The following CFAP46 variants were observed in gnomAD, a reference collection of about 807,000 sequenced individuals.
The protein encoded by CFAP46 is cilia and flagella associated protein 46.
CFAP46 carries 245 observed loss-of-function variants against 325.7 expected under a neutral mutation model. That is an observed-to-expected ratio of 0.75 (90% CI 0.68 to 0.84). The LOEUF is 0.84. CFAP46 is among the 40% of genes least tolerant of loss of function. The pLI is 0.00. For missense variants in CFAP46, 3,346 were observed against 3,543.0 expected, an observed-to-expected ratio of 0.94 and a Z score of 1.41; for synonymous variants, 1,523 against 1,495.9, an observed-to-expected ratio of 1.02 and a Z score of -0.42.
chr10:132,870,371 G>A (rs923914724), intron 32 of CFAP46, among the ~76,000 whole-genome samples: 1 of 152,092 alleles, frequency 6.6e-6, no homozygotes, highest in South Asian at 2.1e-4. Context: ...CGTCTCTCAC[G>A]TTAAAGAAAA....
rs1850062930 is a variant in CFAP46, at chr10:132,939,350, A to G, written c.372-597T>C. 6.6e-6 allele frequency among the ~76,000 whole-genome samples: 1 copy of G among 152,190 alleles called. No individual in the cohort carries two copies. The highest frequency in any genetic ancestry group is 2.4e-5 in the African/African-American group (1 of 41,460). ...GAGGGTGGGCTGGAAGAGTGAGCAG[A>G]GACCCCTCTCAGGGGTCTGGGCCTC... On this transcript the variant is annotated intron_variant, in intron 4 of 57. Transcript: ENST00000368586. The surrounding 1 kb of genome is among the most constrained non-coding windows in gnomAD (Gnocchi z 4.6).
chr10:132,868,163 C>T (rs938880487), intron 33 of CFAP46, among the ~76,000 whole-genome samples: 3 of 152,240 alleles, frequency 2.0e-5, no homozygotes, highest in South Asian at 2.1e-4. Flanking sequence ...CCCGGCCACG[C>T]GCGTTCCAAG....
At position 132,886,394 on chromosome 10, in the gene CFAP46, G is replaced by C. The variant is rs1437134183; in HGVS notation, c.3305-435C>G. Among the ~76,000 whole-genome samples, 1 of 152,184 alleles carries C rather than the reference G, an allele frequency of 6.6e-6. No homozygotes were observed. The highest frequency in any genetic ancestry group is 1.5e-5 in the Non-Finnish European group (1 of 68,028). The stretch of plus-strand genomic sequence containing the variant: ...CTCATGCTTGGTGCCCGCAGCACGG[G>C]AACAATCCCCGAGTCTCCACGCAGG... On this transcript the variant is annotated intron_variant, in intron 25 of 57. Transcript: ENST00000368586. The surrounding 1 kb of genome is among the most constrained non-coding windows in gnomAD (Gnocchi z 5.8).
chr10:132,937,477 T>C, intron 6 of CFAP46, 75 bp downstream of exon 6: 1 of 1,572,400 alleles, frequency 6.4e-7, no homozygotes, highest in Non-Finnish European at 8.7e-7. Flanking sequence ...CTTATGTAAT[T>C]TCTACGCAGT....
chr10:132,911,064 C>T (rs757350241), intron 19 of CFAP46, among the ~76,000 whole-genome samples: 41 of 152,238 alleles, frequency 2.7e-4, no homozygotes, highest in Non-Finnish European at 5.1e-4. Flanking sequence ...CTCTGCACCC[C>T]CCAGCTGCCT....
chr10:132,941,108 C>G, intron 3 of CFAP46, 48 bp from the exon 4 acceptor site: 1 of 1,592,570 alleles, frequency 6.3e-7, no homozygotes, highest in Non-Finnish European at 8.6e-7. Flanking sequence ...CTGACCCCTG[C>G]TCACTGCCCC....
At chr10:132,933,781 C>G (rs1427778280) in intron 8 of CFAP46, among the ~76,000 whole-genome samples, 2 of 152,254 alleles carry the variant, frequency 1.3e-5, no homozygotes, top group Non-Finnish European at 2.9e-5. Context: ...AGCAAGCTGT[C>G]CCACCAGGAC....
chr10:132,881,057 A>G lies in CFAP46; in HGVS notation c.3628-25T>C, dbSNP rs1351414432. ...TCTGTGGGATTGAACAGGAAGGGTG[A>G]CATCCTCAGGATGGCCCTGAAGGCG... On this transcript the variant is annotated intron_variant, in intron 27 of 57. Transcript: ENST00000368586. 12 of 1,548,544 alleles carry G rather than the reference A, an allele frequency of 7.7e-6. No individual in the cohort carries two copies. The South Asian group carries it at 1.4e-4, about 18-fold the overall frequency.
chr10:132,935,917 T>C (rs564603995), intron 7 of CFAP46, among the ~76,000 whole-genome samples: 1 of 130,664 alleles, frequency 7.7e-6, no homozygotes, highest in South Asian at 2.9e-4. Flanking sequence ...CCAAACACAC[T>C]GTGATCTCCT....
chr10:132,895,091 T>C (rs925778041), intron 24 of CFAP46, among the ~76,000 whole-genome samples: 3 of 152,150 alleles, frequency 2.0e-5, no homozygotes, highest in Non-Finnish European at 2.9e-5. Flanking sequence ...CAACAGCATA[T>C]TAAAAAGATG....
At chr10:132,854,323 GTGTTTTGTTT>G (rs59344968) in intron 39 of CFAP46, among the ~76,000 whole-genome samples, 63 of 151,190 alleles carry the variant, frequency 4.2e-4, no homozygotes, top group Admixed American at 1.6e-3. Flanking sequence ...ATAGCTTTCT[GTGTTTTGTTT>G]TGTTTTGTTT....
At chr10:132,830,894 C>T (rs7067831) in intron 50 of CFAP46, among the ~76,000 whole-genome samples, 52,982 of 151,910 alleles carry the variant, frequency 0.35, 10,243 homozygotes, top group Admixed American at 0.51. Context: ...GCAGCCTTTT[C>T]TTCTTTCCTA....
In CFAP46 at chr10:132,942,097, C is replaced by T; in HGVS notation, c.57G>A (p.Ala19=). 5 of 1,551,642 alleles carry T rather than the reference C, an allele frequency of 3.2e-6. No homozygotes were observed. The highest frequency in any genetic ancestry group is 4.4e-6 in the Non-Finnish European group (5 of 1,146,960). The change falls in exon 2 of 58, where the codon GCG becomes GCA. Residue 19 remains alanine (A), a synonymous_variant. Coordinates refer to ENST00000368586, the MANE Select transcript of CFAP46 (RefSeq NM_001200049.3). The part of the protein sequence containing the change: ...LARAESQQDA[A]SLKKAYELIK... ...TCAACTCGTAGGCCTTCTTCAAGGA[C>T]GCAGCATCTGTCCCAAACGGGTGGT... is the stretch of plus-strand genomic sequence containing the variant.
intron 50 of CFAP46, among the ~76,000 whole-genome samples, chr10:132,823,945 T>A (rs949287463): frequency 1.4e-5 from 2 of 139,262 alleles, no homozygotes; most frequent in African/African-American, 2.7e-5. Flanking sequence ...GTGCTGTGTG[T>A]GCAGTGATGT....
intron 9 of CFAP46, among the ~76,000 whole-genome samples, chr10:132,927,573 G>A (rs532639076): frequency 3.0e-4 from 45 of 152,342 alleles, no homozygotes; most frequent in African/African-American, 7.9e-4. Flanking sequence ...CCTGTCCAGC[G>A]GCTGCAAGCC....
In CFAP46 at chr10:132,836,830, G is replaced by A. The variant is rs151080887; in HGVS notation, c.6523C>T (p.Leu2175Phe). 839 of 1,613,486 alleles carry A rather than the reference G, an allele frequency of 5.2e-4. 8 individuals carry two copies. In the Admixed American group the frequency reaches 0.013, roughly 25 times the overall value. ...GAGCGGCTTTACCTGTCCCCTGAGA[G>A]GTGCAGAAAGAGGATCCAAAAGGTC... ...PPTFWILFLH[L>F]SGDRSRLYGA... Residue 2175 changes from leucine (L) to phenylalanine (F), a missense_variant, in exon 45 of 58, where the codon CTC (leucine) becomes TTC (phenylalanine). Physicochemically the swap from Leu to Phe is conservative, Grantham distance 22. Coordinates refer to ENST00000368586, the MANE Select transcript of CFAP46 (RefSeq NM_001200049.3).
rs759904251 is a variant in CFAP46 at position 132,850,400 on chromosome 10, G to C, written c.5796C>G (p.His1932Gln). 19 of 1,579,022 alleles carry C rather than the reference G, an allele frequency of 1.2e-5. No homozygotes were observed. Among genetic ancestry groups the C allele is most frequent in the Non-Finnish European group, 1.6e-5 (19 of 1,161,816 alleles). The change falls in exon 41 of 58, where the codon CAC (histidine) becomes CAG (glutamine). Residue 1932 changes from histidine (H) to glutamine (Q), a missense_variant. Transcript: ENST00000368586. The stretch of plus-strand genomic sequence containing the variant: ...GGCTCCCCAGCTGTGCCAGTGCCCC[G>C]TGTGCTAGAGTCCGCTTCAGCGTGA... ...QWFTLKRTLA[H>Q]GALAQLGSLQ...
At chr10:132,836,085 CT>C in intron 46 of CFAP46, 56 bp downstream of exon 46, 1 of 1,397,650 alleles carries the variant, frequency 7.2e-7, no homozygotes, top group Non-Finnish European at 9.7e-7. Context: ...CCTCCCCACT[CT>C]CGCCCATGCT....
At position 132,847,493 on chromosome 10, in the gene CFAP46, T is replaced by C. The variant is rs1381300340; in HGVS notation, c.5953-172A>G. On this transcript the variant is annotated intron_variant, in intron 41 of 57. Transcript: ENST00000368586. This position sits in a 1 kb window ranked among gnomAD's most constrained non-coding sequence, Gnocchi z 5.2. ...CTATCCCAAACCCTCCATCCCTGAGTTGATGCAGGGTGGCCCTGACCCGTG... is the reference window on the plus strand; with the variant it reads ...CTATCCCAAACCCTCCATCCCTGAGCTGATGCAGGGTGGCCCTGACCCGTG... Among the ~76,000 whole-genome samples the C allele has an allele frequency of 2.0e-5, 3 of 151,886 alleles. No individual in the cohort carries two copies. Among genetic ancestry groups the C allele is most frequent in the Non-Finnish European group, 4.4e-5 (3 of 67,930 alleles).
Sources: gnomAD v4.1 joint callset for allele counts (sites outside exome capture counted in the v4.1 genomes callset) on GRCh38, gnomAD v4.1.1 for gene constraint, Gnocchi (gnomAD v3.1) non-coding constraint, MANE v1.5 for transcripts, NCBI Gene and HGNC (gene_info 2026-07-23, HGNC 2026-07-21) for gene names.